Variants in SVEP1 observed in about 807,000 individuals in gnomAD.
SVEP1 encodes sushi, von Willebrand factor type A, EGF and pentraxin domain containing 1.
Under a neutral mutation model 367.3 loss-of-function variants are expected in SVEP1, and 164 were observed. The observed-to-expected ratio is 0.45, with a 90% confidence interval of 0.39 to 0.51. The LOEUF (loss-of-function observed/expected upper bound fraction) is 0.51. SVEP1 is among the 20% of genes least tolerant of loss of function. SVEP1 has a pLI of 0.00. For synonymous variants in SVEP1, 1,666 were observed against 1,611.6 expected (o/e 1.03, Z -0.81); for missense variants, 4,117 against 4,425.3 (o/e 0.93, Z 1.98).
chr9:110,487,256 T>C (rs2118719843), intron 9 of SVEP1, among the ~76,000 whole-genome samples: 1 of 152,278 alleles, frequency 6.6e-6, no homozygotes, highest in Non-Finnish European at 1.5e-5. Context: ...CACCTGGCCC[T>C]CTCTCTTTTA....
At position 110,413,631 on chromosome 9, in the gene SVEP1, G is replaced by A. The variant is rs187184391; in HGVS notation, c.5976-1896C>T. Among the ~76,000 whole-genome samples the A allele has an allele frequency of 7.9e-5, 12 of 152,050 alleles. No homozygotes were observed. In the South Asian group the frequency reaches 1.2e-3, roughly 16 times the overall value. On this transcript the variant is annotated intron_variant, in intron 36 of 47. Coordinates refer to ENST00000374469, the MANE Select transcript of SVEP1 (RefSeq NM_153366.4). ...AAATTTTTCTTAGTAATTCCCAGTC[G>A]TTATGCACAGATGTTGGCCCACATA... is the stretch of plus-strand genomic sequence containing the variant.
At chr9:110,367,002 C>G (rs993375752) in intron 47 of SVEP1, among the ~76,000 whole-genome samples, 1 of 152,126 alleles carries the variant, frequency 6.6e-6, no homozygotes, top group African/African-American at 2.4e-5. Flanking sequence ...GAGAAAAGGC[C>G]AGGTCAGTCT....
At position 110,395,823 on chromosome 9, in the gene SVEP1, C is replaced by A. The variant is rs200496565; in HGVS notation, c.9822+5031G>T. ...GCTAACTATCCTAAATATATATGCA[C>A]CCAATACAGGAGCACCCAGATTCAT... is the stretch of plus-strand genomic sequence containing the variant. On this transcript the variant is annotated intron_variant, in intron 40 of 47. Transcript: ENST00000374469. 4.7e-3 allele frequency among the ~76,000 whole-genome samples: 714 copies of A among 152,108 alleles called. 40 individuals are homozygous for A. In the East Asian group the frequency reaches 0.12, roughly 26 times the overall value.
At position 110,453,593 on chromosome 9, in the gene SVEP1, C is replaced by T. The variant is rs192089010; in HGVS notation, c.3787+1997G>A. Among the ~76,000 whole-genome samples, 216 of 152,026 alleles carry T rather than the reference C, an allele frequency of 1.4e-3. 3 individuals are homozygous for T. The highest frequency in any genetic ancestry group is 0.014 in the East Asian group (70 of 5,162). On this transcript the variant is annotated intron_variant, in intron 22 of 47. Coordinates refer to ENST00000374469, the MANE Select transcript of SVEP1 (RefSeq NM_153366.4). ...TAATAATAGCCATTCTGGCCAGGGG[C>T]GGGGTGGCTCAGGCCTGTAATCCCA... is the stretch of plus-strand genomic sequence containing the variant.
Position 110,499,156 on chromosome 9 carries a change from C to T in SVEP1, c.1566G>A (p.Gly522=), listed in dbSNP as rs371077735. The change falls in exon 7 of 48, where the codon GGG becomes GGA. Residue 522 remains glycine, a synonymous_variant. Transcript: ENST00000374469. ...HNCGKQPAKF[G]TICYVSCRQG... ...GGCGGCAACTTACATAGCAGATCGT[C>T]CCAAATTTGGCTGGCTGCTTGCCAC... 93 of 1,613,624 alleles carry T rather than the reference C, an allele frequency of 5.8e-5. No individual in the cohort carries two copies. Among genetic ancestry groups the T allele is most frequent in the Non-Finnish European group, 7.6e-5 (90 of 1,179,812 alleles).
Position 110,406,349 on chromosome 9 carries a change from T to C in SVEP1, c.9251A>G (p.Asn3084Ser), listed in dbSNP as rs1207398195. Residue 3084 changes from asparagine (N) to serine (S), a missense_variant, in exon 38 of 48, where the codon AAT becomes AGT. Around this residue, in one of 4 missense-constraint regions of SVEP1, gnomAD observed 1,765 missense variants for 1,781.1 expected, o/e 0.99. Transcript: ENST00000374469. ...FISETSSWKENVITYSCRSGY... is the reference protein window; with the variant it reads ...FISETSSWKESVITYSCRSGY... Reference sequence around the variant, plus strand: ...AGACCTGCAGCTGTAAGTTATCACATTTTCCTTCCAAGAGCTGGTCTCACT... The same window carrying C: ...AGACCTGCAGCTGTAAGTTATCACACTTTCCTTCCAAGAGCTGGTCTCACT... 1 of 1,613,938 alleles carries C rather than the reference T, an allele frequency of 6.2e-7. No homozygotes were observed. The highest frequency in any genetic ancestry group is 1.3e-5 in the African/African-American group (1 of 74,938).
intron 24 of SVEP1, among the ~76,000 whole-genome samples, chr9:110,449,104 T>C (rs1828651095): frequency 6.6e-6 from 1 of 152,220 alleles, no homozygotes; most frequent in African/African-American, 2.4e-5. Flanking sequence ...ATACTACAGA[T>C]GTGCTGTCTT....
At chr9:110,456,359 A>G (rs1828776090) in intron 21 of SVEP1, among the ~76,000 whole-genome samples, 1 of 152,182 alleles carries the variant, frequency 6.6e-6, no homozygotes, top group Non-Finnish European at 1.5e-5. Flanking sequence ...CCACTGTCCT[A>G]TATTATACCC....
At chr9:110,412,225 G>A (rs566482344) in intron 36 of SVEP1, among the ~76,000 whole-genome samples, 56 of 152,240 alleles carry the variant, frequency 3.7e-4, no homozygotes, top group African/African-American at 1.3e-3. Context: ...TTTGGCATTT[G>A]TCTTTATTGT....
intron 1 of SVEP1, among the ~76,000 whole-genome samples, chr9:110,552,654 C>T (rs189746373): frequency 5.9e-5 from 9 of 152,088 alleles, no homozygotes; most frequent in East Asian, 1.9e-4. Flanking sequence ...ATAGTGTTCA[C>T]GCTCCTATGA....
chr9:110,401,113 A>G (rs1383633459), intron 39 of SVEP1, 104 bp from the exon 40 acceptor site: 1 of 1,385,996 alleles, frequency 7.2e-7, no homozygotes, highest in African/African-American at 1.5e-5. Context: ...CCAAAATGAT[A>G]GTCAAAAGCA....
In SVEP1 at chr9:110,440,298, ACCATT is replaced by A. The variant is rs924381520; in HGVS notation, c.4639+3242_4639+3246del. 7.5e-4 allele frequency among the ~76,000 whole-genome samples: 114 copies of A among 152,002 alleles called. 1 individual carries two copies. Among genetic ancestry groups the A allele is most frequent in the African/African-American group, 2.7e-3 (111 of 41,384 alleles). ...ATGCTACTACTTTGGGGATCAGCCA[ACCATT>A]CTTCCTCACACAAACCCCATTCATG... On this transcript the variant is annotated intron_variant, in intron 27 of 47. Transcript: ENST00000374469.
intron 14 of SVEP1, among the ~76,000 whole-genome samples, chr9:110,472,726 A>G (rs1239965279): frequency 6.6e-6 from 1 of 152,162 alleles, no homozygotes; most frequent in Non-Finnish European, 1.5e-5. Flanking sequence ...ATTGACCTTA[A>G]AACTATTAAT....
chr9:110,543,575 C>T (rs1227347755), intron 3 of SVEP1, among the ~76,000 whole-genome samples: 3 of 152,150 alleles, frequency 2.0e-5, no homozygotes, highest in Non-Finnish European at 4.4e-5. Flanking sequence ...ACTGCCCCCT[C>T]TTTCTTCCTG....
chr9:110,532,281 G>A lies in SVEP1; in HGVS notation c.964+13834C>T, dbSNP rs545350542. ...CCTACCAAACATTATAATACCATAT[G>A]GTAAGTGTGAACAGAGAGAAGATAT... is the stretch of plus-strand genomic sequence containing the variant. On this transcript the variant is annotated intron_variant, in intron 3 of 47. Coordinates refer to ENST00000374469, the MANE Select transcript of SVEP1 (RefSeq NM_153366.4). Among the ~76,000 whole-genome samples, 6 of 152,268 alleles carry A rather than the reference G, an allele frequency of 3.9e-5. No individual in the cohort carries two copies. In the East Asian group the frequency reaches 1.2e-3, roughly 29 times the overall value.
chr9:110,482,350 G>A lies in SVEP1; in HGVS notation c.2170+11C>T. ...GTCAACTAGAATTCTGGGGACTTAT[G>A]AAGACAATACCTTTTATGACAATAT... On this transcript the variant is annotated intron_variant, in intron 11 of 47. Transcript: ENST00000374469. 6.2e-7 allele frequency: 1 copy of A among 1,608,292 alleles called. No individual in the cohort carries two copies. Among genetic ancestry groups the A allele is most frequent in the Non-Finnish European group, 8.5e-7 (1 of 1,177,562 alleles).
At position 110,445,946 on chromosome 9, in the gene SVEP1, T is replaced by C. The variant is rs1431521515; in HGVS notation, c.4354A>G (p.Thr1452Ala). 6.2e-7 allele frequency: 1 copy of C among 1,613,920 alleles called. No individual in the cohort carries two copies. Among genetic ancestry groups the C allele is most frequent in the Middle Eastern group, 1.6e-4 (1 of 6,062 alleles). Reference protein sequence around the residue: ...DGMLPSLHALTCTFWMKSSDD... With the variant: ...DGMLPSLHALACTFWMKSSDD... Reference sequence around the variant, plus strand: ...GAGGATTTCATCCAGAAGGTACAGGTTAGAGCATGGAGAGATGGGAGCATG... The same window carrying C: ...GAGGATTTCATCCAGAAGGTACAGGCTAGAGCATGGAGAGATGGGAGCATG... The change falls in exon 26 of 48, where the codon ACC (threonine) becomes GCC (alanine). Residue 1452 changes from threonine to alanine, a missense_variant. By Grantham distance (58) the Thr-to-Ala change is moderately conservative (BLOSUM62 0). Transcript: ENST00000374469.
At chr9:110,559,701 A>G (rs1434676967) in intron 1 of SVEP1, among the ~76,000 whole-genome samples, 1 of 152,180 alleles carries the variant, frequency 6.6e-6, no homozygotes, top group Non-Finnish European at 1.5e-5. Flanking sequence ...TTCTACAGCT[A>G]AGAATATGTT....
chr9:110,470,705 G>A (rs1211054944), intron 16 of SVEP1, among the ~76,000 whole-genome samples: 1 of 151,106 alleles, frequency 6.6e-6, no homozygotes, highest in Non-Finnish European at 1.5e-5. Context: ...CAAAGTGCTG[G>A]GATTACAGGC....
Sources: gnomAD v4.1 joint callset for allele counts (sites outside exome capture counted in the v4.1 genomes callset) on GRCh38, gnomAD v4.1.1 for gene constraint, gnomAD v4.1.1 regional missense constraint, MANE v1.5 for transcripts, NCBI Gene and HGNC (gene_info 2026-07-23, HGNC 2026-07-21) for gene names.